Variants in OR2L13 observed in about 807,000 individuals in gnomAD.
The protein encoded by OR2L13 is olfactory receptor 2L13.
In OR2L13, 14 loss-of-function variants were observed where a neutral mutation model predicts 15.3. The ratio of observed to expected loss-of-function variants is 0.91; its 90% CI spans 0.60 to 1.43. OR2L13 has a LOEUF of 1.43. Ranked by LOEUF, OR2L13 falls within the 40% of genes most tolerant of loss-of-function variation. The pLI is 0.00. For missense variants in OR2L13, 367 were observed against 387.9 expected, an observed-to-expected ratio of 0.95 and a Z score of 0.45; for synonymous variants, 152 against 142.9, an observed-to-expected ratio of 1.06 and a Z score of -0.45.
upstream of OR2L13, among the ~76,000 whole-genome samples, chr1:248,093,197 G>A (rs1664640951): frequency 6.6e-6 from 1 of 152,162 alleles, no homozygotes; most frequent in African/African-American, 2.4e-5. Context: ...AGTGGGGTAA[G>A]GTTTGGGGAA....
the OR2L13 span, among the ~76,000 whole-genome samples, chr1:248,087,806 A>T: frequency 6.6e-6 from 1 of 152,202 alleles, no homozygotes; most frequent in African/African-American, 2.4e-5. Context: ...CTGAATGGGA[A>T]TGTGAACAGA....
the OR2L13 span, among the ~76,000 whole-genome samples, chr1:248,005,914 G>C: frequency 6.6e-6 from 1 of 152,118 alleles, no homozygotes; most frequent in African/African-American, 2.4e-5. Context: ...GTTGTGCTTT[G>C]TTGCAATGAG....
chr1:247,940,166 T>C, the OR2L13 span, among the ~76,000 whole-genome samples: 3 of 152,292 alleles, frequency 2.0e-5, no homozygotes, highest in African/African-American at 7.2e-5. Context: ...ACATTGATTG[T>C]AGTCAAATCA....
chr1:247,990,930 C>G, the OR2L13 span: 1 of 1,473,374 alleles, frequency 6.8e-7, no homozygotes, highest in Non-Finnish European at 9.5e-7. Context: ...GCCGGATTCT[C>G]CTTGCTGTCT....
At chr1:247,987,355 C>T in the OR2L13 span, among the ~76,000 whole-genome samples, 5 of 152,040 alleles carry the variant, frequency 3.3e-5, no homozygotes, top group Non-Finnish European at 5.9e-5. Context: ...ATTAAGATAA[C>T]TTTTTTTCTT....
the OR2L13 span, among the ~76,000 whole-genome samples, chr1:247,994,361 C>T: frequency 6.6e-6 from 1 of 152,134 alleles, no homozygotes; most frequent in African/African-American, 2.4e-5. Context: ...CGCTCCACTG[C>T]ACTCCAGCCG....
the OR2L13 span, among the ~76,000 whole-genome samples, chr1:248,034,304 A>G: frequency 1.3e-5 from 2 of 152,188 alleles, no homozygotes; most frequent in South Asian, 2.1e-4. Flanking sequence ...CAATTCTCAA[A>G]TTCATATGGA....
chr1:247,961,471 G>GC, the OR2L13 span, among the ~76,000 whole-genome samples: 1 of 152,172 alleles, frequency 6.6e-6, no homozygotes, highest in African/African-American at 2.4e-5. Context: ...TGTTTGTAAG[G>GC]CTTGTGATGG....
chr1:248,037,019 G>A, the OR2L13 span, among the ~76,000 whole-genome samples: 1 of 152,156 alleles, frequency 6.6e-6, no homozygotes, highest in Non-Finnish European at 1.5e-5. Context: ...AAGCTAAAAT[G>A]AACTTGGCAT....
At chr1:247,975,365 G>A in the OR2L13 span, 6 of 596,172 alleles carry the variant, frequency 1.0e-5, no homozygotes, top group South Asian at 8.2e-5. Flanking sequence ...GGTATTGCAT[G>A]TTCCTATGGT....
At chr1:247,975,241 C>T in the OR2L13 span, 5 of 414,318 alleles carry the variant, frequency 1.2e-5, no homozygotes, top group Admixed American at 1.6e-4. Flanking sequence ...ATCCCTGTTG[C>T]TCAGCCAGGG....
chr1:248,100,463 A>T lies in OR2L13; in HGVS notation c.*149A>T, dbSNP rs1572746551. 2.0e-5 allele frequency: 8 copies of T among 406,422 alleles called. No homozygotes were observed. The East Asian group carries it at 2.7e-4, about 14-fold the overall frequency. 25.2% of individuals were successfully genotyped at this position (406,422 alleles called of 1,614,324 possible). A position where few individuals can be genotyped will look rare whatever the true frequency, so the allele number is the denominator to read the frequency against. ...CAAATAAATTTAAATAATATATTTAATTCAAAACAATGTTATAATTAATAT... is the reference window on the plus strand; with the variant it reads ...CAAATAAATTTAAATAATATATTTATTTCAAAACAATGTTATAATTAATAT... On this transcript the variant is annotated 3_prime_UTR_variant, in exon 3 of 3. Transcript: ENST00000641714.
the OR2L13 span, chr1:247,975,618 C>A: frequency 2.3e-6 from 3 of 1,296,416 alleles, no homozygotes; most frequent in South Asian, 1.2e-5. Flanking sequence ...TGATGGGGGC[C>A]CTGACACGAG....
At chr1:248,005,206 AG>A in the OR2L13 span, among the ~76,000 whole-genome samples, 1 of 152,230 alleles carries the variant, frequency 6.6e-6, no homozygotes, top group African/African-American at 2.4e-5. Flanking sequence ...CTCAACACAA[AG>A]AAATAATGCA....
the OR2L13 span, chr1:248,062,807 T>C: frequency 6.6e-6 from 1 of 152,234 alleles, no homozygotes; most frequent in Non-Finnish European, 1.5e-5. Flanking sequence ...GATTTGATCA[T>C]TATGCATTGT....
chr1:248,097,622 T>C (rs1046118706), intron 1 of OR2L13, among the ~76,000 whole-genome samples: 8 of 152,190 alleles, frequency 5.3e-5, no homozygotes, highest in African/African-American at 1.9e-4. Flanking sequence ...CTCTGAGCTA[T>C]AGTCTATGCA....
chr1:248,062,512 T>G, the OR2L13 span: 1 of 152,174 alleles, frequency 6.6e-6, no homozygotes, highest in Admixed American at 6.6e-5. Context: ...AGAGCTAGAA[T>G]TTTTAAAAAC....
chr1:247,966,125 T>C, the OR2L13 span: 1 of 1,614,198 alleles, frequency 6.2e-7, no homozygotes, highest in Non-Finnish European at 8.5e-7. Flanking sequence ...GTGGCAAGCC[T>C]GTTCTATGCA....
At chr1:247,966,287 T>C in the OR2L13 span, 1 of 1,613,806 alleles carries the variant, frequency 6.2e-7, no homozygotes, top group East Asian at 2.2e-5. Context: ...GTGAGGAGAC[T>C]GTTGGGATAT....
Sources: gnomAD v4.1 joint callset for allele counts (sites outside exome capture counted in the v4.1 genomes callset) on GRCh38, gnomAD v4.1.1 for gene constraint, MANE v1.5 for transcripts, NCBI Gene and HGNC (gene_info 2026-07-23, HGNC 2026-07-21) for gene names.